Variants in STRN observed in about 807,000 individuals in gnomAD.
The protein encoded by STRN is striatin, also known as protein phosphatase 2 regulatory subunit B'''alpha.
STRN carries 53 observed loss-of-function variants against 96.3 expected under a neutral mutation model. The ratio of observed to expected loss-of-function variants is 0.55; its 90% CI spans 0.44 to 0.69. The LOEUF is 0.69. Among genes scored for constraint, STRN ranks in the 30% least tolerant of loss-of-function variants. STRN has a pLI of 0.00. For synonymous variants in STRN, 428 were observed against 355.9 expected, an observed-to-expected ratio of 1.20 and a Z score of -2.28; for missense variants, 987 against 963.9, an observed-to-expected ratio of 1.02 and a Z score of -0.32.
chr2:36,851,210 C>G (rs186785546), intron 15 of STRN, 103 bp from the exon 16 acceptor site: 4 of 1,005,134 alleles, frequency 4.0e-6, no homozygotes, highest in Non-Finnish European at 2.9e-6. Flanking sequence ...GTAGGCCGGC[C>G]GCGGTGGCTC....
chr2:36,858,707 A>C (rs534450236), intron 13 of STRN, among the ~76,000 whole-genome samples: 1 of 152,328 alleles, frequency 6.6e-6, no homozygotes, highest in African/African-American at 2.4e-5. Context: ...CACAAATGTT[A>C]AGTCTGGAAA....
rs1180422668 is a variant in STRN, at chr2:36,937,829, GTGATTATAAA to G, written c.235-12631_235-12622del. 1.1e-4 allele frequency among the ~76,000 whole-genome samples: 17 copies of G among 152,112 alleles called. 1 individual carries two copies. The highest frequency in any genetic ancestry group is 4.8e-5 in the African/African-American group (2 of 41,430). On this transcript the variant is annotated intron_variant, in intron 1 of 17. Transcript: ENST00000263918. Reference sequence around the variant, plus strand: ...AAGAAACTTACAGGCTATGACCAGAGTGATTATAAAACACTCTCTTAACAGTTAGCAGGAG... The same window carrying G: ...AAGAAACTTACAGGCTATGACCAGAGACACTCTCTTAACAGTTAGCAGGAG...
At chr2:36,883,287 TCTACTAAA>T (rs1669123954) in intron 9 of STRN, among the ~76,000 whole-genome samples, 2 of 151,970 alleles carry the variant, frequency 1.3e-5, no homozygotes, top group African/African-American at 4.8e-5. Flanking sequence ...AAACCCCATC[TCTACTAAA>T]AATACAAAAA....
intron 7 of STRN, among the ~76,000 whole-genome samples, chr2:36,893,014 G>C (rs903543875): frequency 6.6e-6 from 1 of 151,728 alleles, no homozygotes; most frequent in South Asian, 2.1e-4. Context: ...AGTGAGACTC[G>C]GTATCAAAAA....
intron 1 of STRN, among the ~76,000 whole-genome samples, chr2:36,930,232 G>C (rs1305694018): frequency 1.3e-5 from 2 of 151,820 alleles, no homozygotes; most frequent in South Asian, 2.1e-4. Flanking sequence ...AGGAGTTCGA[G>C]ACCAGCCTGA....
intron 15 of STRN, among the ~76,000 whole-genome samples, chr2:36,851,966 GA>G (rs1668233294): frequency 6.6e-6 from 1 of 152,150 alleles, no homozygotes; most frequent in Non-Finnish European, 1.5e-5. Flanking sequence ...AAGTTCCAAA[GA>G]AACTTCAATT....
chr2:36,886,381 T>C (rs1011729635), intron 8 of STRN, among the ~76,000 whole-genome samples: 17 of 152,106 alleles, frequency 1.1e-4, no homozygotes, highest in African/African-American at 3.6e-4. Context: ...AAATTGTCAA[T>C]GAAAAAGAAA....
chr2:36,876,634 C>T (rs1391840935), intron 10 of STRN, among the ~76,000 whole-genome samples: 4 of 152,058 alleles, frequency 2.6e-5, no homozygotes, highest in African/African-American at 9.7e-5. Context: ...CAACAGAGAT[C>T]ATAAACTATC....
intron 16 of STRN, among the ~76,000 whole-genome samples, chr2:36,850,539 G>T (rs528950457): frequency 6.6e-6 from 1 of 152,154 alleles, no homozygotes; most frequent in Non-Finnish European, 1.5e-5. Flanking sequence ...TTTTCCATCC[G>T]CAACACTAAA....
chr2:36,921,630 T>G, intron 2 of STRN, among the ~76,000 whole-genome samples: 1 of 152,226 alleles, frequency 6.6e-6, no homozygotes, highest in East Asian at 1.9e-4. Context: ...ATCTTTCTCA[T>G]TCACCCACTG....
At chr2:36,899,878 C>A (rs549890569) in intron 5 of STRN, among the ~76,000 whole-genome samples, 25 of 152,128 alleles carry the variant, frequency 1.6e-4, no homozygotes, top group African/African-American at 5.5e-4. Context: ...ATCTACTTGC[C>A]TGCCTACCTA....
At chr2:36,869,818 G>T in intron 10 of STRN, 89 bp from the exon 11 acceptor site, 3 of 1,083,652 alleles carry the variant, frequency 2.8e-6, no homozygotes, top group Non-Finnish European at 3.7e-6. Flanking sequence ...TTGCTGATGT[G>T]TCAATAAACG....
intron 10 of STRN, among the ~76,000 whole-genome samples, chr2:36,874,468 G>T (rs1359978055): frequency 6.6e-6 from 1 of 151,728 alleles, no homozygotes; most frequent in Non-Finnish European, 1.5e-5. Flanking sequence ...AAAGAGAGAG[G>T]TGCTAGAGTG....
intron 9 of STRN, among the ~76,000 whole-genome samples, chr2:36,883,006 AG>A (rs1669114862): frequency 6.6e-6 from 1 of 152,208 alleles, no homozygotes; most frequent in Non-Finnish European, 1.5e-5. Context: ...AATATTCAAA[AG>A]TTTCATATCA....
chr2:36,902,783 T>TA (rs1232953050), intron 4 of STRN, 32 bp from the exon 5 acceptor site: 5 of 1,532,166 alleles, frequency 3.3e-6, no homozygotes, highest in Non-Finnish European at 4.4e-6. Flanking sequence ...AGTTCAGTCA[T>TA]ACTGGAATCA....
chr2:36,882,534 ACGC>A, intron 9 of STRN, among the ~76,000 whole-genome samples: 1 of 152,170 alleles, frequency 6.6e-6, no homozygotes, highest in African/African-American at 2.4e-5. Context: ...TGGGAGGCCG[ACGC>A]AGTTGGATCA....
chr2:36,906,442 G>C (rs1198414197), intron 3 of STRN, among the ~76,000 whole-genome samples: 5 of 149,206 alleles, frequency 3.4e-5, no homozygotes, highest in African/African-American at 1.2e-4. Context: ...CTAGGCAACA[G>C]AGGGAGGCTC....
At chr2:36,869,514 C>A in intron 11 of STRN, 40 bp downstream of exon 11, 1 of 1,408,406 alleles carries the variant, frequency 7.1e-7, no homozygotes, top group South Asian at 1.6e-5. Context: ...GAAAATGTTA[C>A]TTAAAATATT....
At chr2:36,872,110 C>A (rs758748378) in intron 10 of STRN, among the ~76,000 whole-genome samples, 37 of 150,324 alleles carry the variant, frequency 2.5e-4, no homozygotes, top group Non-Finnish European at 5.2e-4. Context: ...CCCCAATCAG[C>A]CCCACTTCCT....
Sources: gnomAD v4.1 joint callset for allele counts (sites outside exome capture counted in the v4.1 genomes callset) on GRCh38, gnomAD v4.1.1 for gene constraint, MANE v1.5 for transcripts, NCBI Gene and HGNC (gene_info 2026-07-23, HGNC 2026-07-21) for gene names.